The following POLR3B variants were observed in gnomAD, a reference collection of about 807,000 sequenced individuals.
The protein encoded by POLR3B is DNA-directed RNA polymerase III subunit RPC2.
A neutral mutation model predicts 147.4 loss-of-function variants in POLR3B; 96 were observed. That is an observed-to-expected ratio of 0.65 (90% CI 0.55 to 0.77). POLR3B has a LOEUF of 0.77. Ranked by LOEUF, POLR3B falls within the 30% of genes least tolerant of loss-of-function variation. POLR3B has a pLI of 0.00. For missense variants in POLR3B, 1,036 were observed against 1,413.5 expected, an observed-to-expected ratio of 0.73 and a Z score of 4.28; for synonymous variants, 461 against 485.9, an observed-to-expected ratio of 0.95 and a Z score of 0.67.
chr12:106,396,130 C>G (rs2036975486), intron 10 of POLR3B, among the ~76,000 whole-genome samples: 1 of 152,152 alleles, frequency 6.6e-6, no homozygotes, highest in African/African-American at 2.4e-5. Flanking sequence ...GGCATGTTAT[C>G]TTGGCCTTTG....
intron 11 of POLR3B, among the ~76,000 whole-genome samples, chr12:106,409,862 A>G (rs894517352): frequency 7.9e-5 from 12 of 152,114 alleles, no homozygotes; most frequent in African/African-American, 2.9e-4. Flanking sequence ...TACATTCTCA[A>G]AATTTGTCTT....
At chr12:106,506,109 TG>T (rs1255496007) in intron 27 of POLR3B, among the ~76,000 whole-genome samples, 13 of 152,126 alleles carry the variant, frequency 8.5e-5, no homozygotes. Flanking sequence ...ATGAATGAGA[TG>T]GGGGTTTGCT....
chr12:106,496,831 G>T lies in POLR3B; in HGVS notation c.2897G>T (p.Gly966Val), dbSNP rs1255267559. The T allele has an allele frequency of 6.2e-7, 1 of 1,614,132 alleles. No homozygotes were observed. Among genetic ancestry groups the T allele is most frequent in the Admixed American group, 1.7e-5 (1 of 60,022 alleles). ...GRFHYGTAFG[G>V]SKVKDVCEDL... is the part of the protein sequence containing the mutation. The stretch of plus-strand genomic sequence containing the variant: ...TTCCACTACGGCACTGCGTTTGGAG[G>T]CAGTAAAGTGAAGGATGTGTGTGAG... Residue 966 changes from glycine to valine, a missense_variant, in exon 25 of 28, where the codon GGC (glycine) becomes GTC (valine). Gly to Val is a moderately radical substitution (Grantham distance 109, BLOSUM62 -3). Transcript: ENST00000228347.
At position 106,461,529 on chromosome 12, in the gene POLR3B, A is replaced by G. The variant is rs577843888; in HGVS notation, c.2571-1949A>G. Among the ~76,000 whole-genome samples, 5 of 152,096 alleles carry G rather than the reference A, an allele frequency of 3.3e-5. No individual in the cohort carries two copies. The South Asian group carries it at 1.0e-3, about 32-fold the overall frequency. On this transcript the variant is annotated intron_variant, in intron 22 of 27. Transcript: ENST00000228347. The stretch of plus-strand genomic sequence containing the variant: ...GGAAGACAAGAAGTAAAAAAGCAAA[A>G]CCCATGTATAGTCGAACTTGCCAAA...
chr12:106,509,761 A>C lies in POLR3B; in HGVS notation c.*212A>C. 2.0e-6 allele frequency: 1 copy of C among 489,802 alleles called. No individual in the cohort carries two copies. The highest frequency in any genetic ancestry group is 2.0e-5 in the South Asian group (1 of 49,286). 30.3% of individuals were successfully genotyped at this position (489,802 alleles called of 1,614,324 possible). A position where few individuals can be genotyped will look rare whatever the true frequency, so the allele number is the denominator to read the frequency against. On this transcript the variant is annotated 3_prime_UTR_variant, in exon 28 of 28. Coordinates refer to ENST00000228347, the MANE Select transcript of POLR3B (RefSeq NM_018082.6). ...GCCTCGAGCCATGGGAGAGATGCTGACCATGTGGACTGCAAGGCTGCTTGA... is the reference window on the plus strand; with the variant it reads ...GCCTCGAGCCATGGGAGAGATGCTGCCCATGTGGACTGCAAGGCTGCTTGA...
intron 9 of POLR3B, among the ~76,000 whole-genome samples, chr12:106,380,784 T>C (rs2036752491): frequency 6.6e-6 from 1 of 152,180 alleles, no homozygotes; most frequent in Non-Finnish European, 1.5e-5. Flanking sequence ...TTGTGAATTG[T>C]TGGCCTAGAA....
chr12:106,391,271 C>G lies in POLR3B; in HGVS notation c.724-1760C>G, dbSNP rs575508266. ...CCATGACATGGTAGCTATCTTCCCCCAGAGAGAGCACTTTCAGACAGAGCA... is the reference window on the plus strand; with the variant it reads ...CCATGACATGGTAGCTATCTTCCCCGAGAGAGAGCACTTTCAGACAGAGCA... On this transcript the variant is annotated intron_variant, in intron 9 of 27. Transcript: ENST00000228347. 2.6e-5 allele frequency among the ~76,000 whole-genome samples: 4 copies of G among 152,228 alleles called. No individual in the cohort carries two copies. In the South Asian group the frequency reaches 8.3e-4, roughly 32 times the overall value.
Position 106,365,942 on chromosome 12 carries a change from GT to G in POLR3B, c.106-573del, listed in dbSNP as rs2036530810. Among the ~76,000 whole-genome samples, 3 of 151,838 alleles carry G rather than the reference GT, an allele frequency of 2.0e-5. No individual in the cohort carries two copies. In the South Asian group the frequency reaches 6.2e-4, roughly 31 times the overall value. On this transcript the variant is annotated intron_variant, in intron 2 of 27. Coordinates refer to ENST00000228347, the MANE Select transcript of POLR3B (RefSeq NM_018082.6). Reference sequence around the variant, plus strand: ...CCGGGCCAGAATCATCAATATCACTGTCTTCCATCTCCATGCCTTGTCCCAC... The same window carrying G: ...CCGGGCCAGAATCATCAATATCACTGCTTCCATCTCCATGCCTTGTCCCAC...
In POLR3B at chr12:106,437,093, C is replaced by G; in HGVS notation, c.1818C>G (p.Val606=). The part of the protein sequence containing the change: ...YIIVKKQKPA[V]TNKHMEELAQ... ...TTGTCAAGAAACAGAAGCCAGCAGT[C>G]ACAAATAAACATATGGAAGAGCTGG... The change falls in exon 17 of 28, where the codon GTC becomes GTG. Residue 606 remains valine (V), a synonymous_variant. Coordinates refer to ENST00000228347, the MANE Select transcript of POLR3B (RefSeq NM_018082.6). The G allele has an allele frequency of 6.2e-7, 1 of 1,613,436 alleles. No homozygotes were observed. The highest frequency in any genetic ancestry group is 2.2e-5 in the East Asian group (1 of 44,806).
In POLR3B at chr12:106,393,751, G is replaced by A. The variant is rs2036945650; in HGVS notation, c.846+598G>A. On this transcript the variant is annotated intron_variant, in intron 10 of 27. Transcript: ENST00000228347. ...TGGGAATTTTAGGGCAAGACTCAAA[G>A]ATGAAGACTGAGAAATACACACACA... Among the ~76,000 whole-genome samples, 4 of 138,434 alleles carry A rather than the reference G, an allele frequency of 2.9e-5. No individual in the cohort carries two copies. The South Asian group carries it at 1.0e-3, about 36-fold the overall frequency. 90.8% of individuals were successfully genotyped at this position (138,434 alleles called of 152,430 possible). A position where few individuals can be genotyped will look rare whatever the true frequency, so the allele number is the denominator to read the frequency against.
At chr12:106,397,999 G>A (rs966206759) in intron 10 of POLR3B, among the ~76,000 whole-genome samples, 1 of 152,242 alleles carries the variant, frequency 6.6e-6, no homozygotes, top group Non-Finnish European at 1.5e-5. Context: ...GACAGTGGGT[G>A]CAGCGCACCG....
chr12:106,486,576 C>A (rs1240723059), intron 23 of POLR3B, among the ~76,000 whole-genome samples: 1 of 152,136 alleles, frequency 6.6e-6, no homozygotes, highest in African/African-American at 2.4e-5. Flanking sequence ...TCTGTCTCCT[C>A]CTTAAGATGG....
At chr12:106,454,106 A>C (rs1307014557) in intron 19 of POLR3B, among the ~76,000 whole-genome samples, 1 of 152,046 alleles carries the variant, frequency 6.6e-6, no homozygotes, top group Non-Finnish European at 1.5e-5. Flanking sequence ...TCCATTTTAT[A>C]AGCTCCTCGG....
At chr12:106,400,397 AC>A (rs1056430247) in intron 10 of POLR3B, among the ~76,000 whole-genome samples, 4 of 152,116 alleles carry the variant, frequency 2.6e-5, no homozygotes, top group Non-Finnish European at 5.9e-5. Context: ...AGACTTTAAC[AC>A]CCCACTGTCA....
chr12:106,373,335 T>G (rs181086721), intron 6 of POLR3B, among the ~76,000 whole-genome samples: 3 of 152,366 alleles, frequency 2.0e-5, no homozygotes, highest in Admixed American at 2.0e-4. Flanking sequence ...ATTGTACATT[T>G]ATCTTCTTTA....
intron 9 of POLR3B, among the ~76,000 whole-genome samples, chr12:106,389,323 T>A (rs2036883365): frequency 6.6e-6 from 1 of 152,254 alleles, no homozygotes; most frequent in Non-Finnish European, 1.5e-5. Flanking sequence ...AGCAAAGCTT[T>A]GGCAGTAATC....
chr12:106,475,822 C>T (rs548104598), intron 23 of POLR3B, among the ~76,000 whole-genome samples: 2,558 of 149,932 alleles, frequency 0.017, 66 homozygotes, highest in African/African-American at 0.06. Flanking sequence ...CTTTATCCAA[C>T]TTGCCAGTCT....
intron 23 of POLR3B, among the ~76,000 whole-genome samples, chr12:106,490,677 G>T (rs2038395340): frequency 6.6e-6 from 1 of 152,126 alleles, no homozygotes. Context: ...ATAAAAGGAG[G>T]TTAATTCGAT....
rs562069048 is a variant in POLR3B, at chr12:106,484,129, G to A, written c.2714-11926G>A. Among the ~76,000 whole-genome samples, 3 of 152,296 alleles carry A rather than the reference G, an allele frequency of 2.0e-5. No individual in the cohort carries two copies. The South Asian group carries it at 6.2e-4, about 32-fold the overall frequency. On this transcript the variant is annotated intron_variant, in intron 23 of 27. Transcript: ENST00000228347. ...AGACTAGATGGGGTTCAGGCTTAGAGGGCTTTGATAAAGATGTGAAAGAAA... is the reference window on the plus strand; with the variant it reads ...AGACTAGATGGGGTTCAGGCTTAGAAGGCTTTGATAAAGATGTGAAAGAAA...
Sources: allele counts gnomAD v4.1 joint callset (sites outside exome capture counted in the v4.1 genomes callset), GRCh38; gene constraint gnomAD v4.1.1; transcripts MANE v1.5; gene names NCBI Gene and HGNC (gene_info 2026-07-23, HGNC 2026-07-21).